PDE3A: variants seen among roughly 807,000 people sequenced by gnomAD.
PDE3A encodes the protein phosphodiesterase 3A.
PDE3A carries 43 observed loss-of-function variants against 98.3 expected under a neutral mutation model. The observed-to-expected ratio is 0.44, with a 90% CI of 0.34 to 0.56. The LOEUF is 0.56. Among genes scored for constraint, PDE3A ranks in the 20% least tolerant of loss-of-function variants. The pLI, the probability that PDE3A is intolerant of heterozygous loss-of-function variation, is 0.01. For synonymous variants in PDE3A, 663 were observed against 567.9 expected (o/e 1.17, Z -2.38); for missense variants, 1,427 against 1,440.7 (o/e 0.99, Z 0.15).
chr12:20,638,512 G>A (rs1011355177), intron 9 of PDE3A, among the ~76,000 whole-genome samples: 8 of 152,080 alleles, frequency 5.3e-5, no homozygotes, highest in Non-Finnish European at 7.4e-5. Context: ...TTGGTGCTAA[G>A]CAATGTCTCT....
chr12:20,425,103 A>T (rs1026717562), intron 1 of PDE3A, among the ~76,000 whole-genome samples: 1 of 152,246 alleles, frequency 6.6e-6, no homozygotes, highest in Admixed American at 6.5e-5. Flanking sequence ...ATTTGCAGGA[A>T]CACACATGGG....
At chr12:20,675,828 T>C (rs934759933) in intron 15 of PDE3A, among the ~76,000 whole-genome samples, 26 of 152,218 alleles carry the variant, frequency 1.7e-4, no homozygotes, top group African/African-American at 4.8e-4. Context: ...CTTTCACTTC[T>C]AGTCTATATC....
At chr12:20,583,182 A>G (rs1412904064) in intron 2 of PDE3A, among the ~76,000 whole-genome samples, 1 of 152,176 alleles carries the variant, frequency 6.6e-6, no homozygotes, top group Non-Finnish European at 1.5e-5. Context: ...TTTGAATATA[A>G]ATAAAAAACT....
chr12:20,376,535 C>T (rs575077480), intron 1 of PDE3A, among the ~76,000 whole-genome samples: 6 of 152,008 alleles, frequency 3.9e-5, no homozygotes, highest in South Asian at 4.1e-4. Context: ...GACTTTGTCA[C>T]GTAAATGAAT....
At chr12:20,450,000 A>G in intron 1 of PDE3A, 2 of 693,664 alleles carry the variant, frequency 2.9e-6, no homozygotes, top group Non-Finnish European at 2.6e-6. Flanking sequence ...AAGTCAATAA[A>G]TTAGCTCCAT....
chr12:20,471,172 T>C (rs73232266), intron 1 of PDE3A, among the ~76,000 whole-genome samples: 2,336 of 151,354 alleles, frequency 0.015, 61 homozygotes, highest in African/African-American at 0.053. Flanking sequence ...ATTCAACAGT[T>C]CTGGAGACCA....
At chr12:20,569,698 A>T (rs897007595) in intron 2 of PDE3A, among the ~76,000 whole-genome samples, 5 of 152,220 alleles carry the variant, frequency 3.3e-5, no homozygotes, top group African/African-American at 1.2e-4. Context: ...TAAACTAAGA[A>T]GATTCAAGAG....
rs1945809281 is a variant in PDE3A, at chr12:20,682,315, C to T, written c.*2044C>T. 6.6e-6 allele frequency: 1 copy of T among 152,126 alleles called. No individual in the cohort carries two copies. The highest frequency in any genetic ancestry group is 1.5e-5 in the Non-Finnish European group (1 of 68,014). The allele number at this position is 152,126 out of a possible 1,614,324, so 9.4% of individuals were successfully genotyped here. On this transcript the variant is annotated 3_prime_UTR_variant, in exon 16 of 16. Transcript: ENST00000359062. ...TCTAAGTAAACCTTGATTGTGATTT[C>T]CAGTTTTTATTTTCTCTGACGTAGT... is the stretch of plus-strand genomic sequence containing the variant.
chr12:20,636,422 TTTC>T (rs775887411), intron 8 of PDE3A, among the ~76,000 whole-genome samples: 1 of 152,192 alleles, frequency 6.6e-6, no homozygotes, highest in Non-Finnish European at 1.5e-5. Flanking sequence ...CCTCATTCTC[TTTC>T]TTCTTTTTTG....
At chr12:20,655,947 C>T (rs1489588088) in intron 15 of PDE3A, among the ~76,000 whole-genome samples, 1 of 152,150 alleles carries the variant, frequency 6.6e-6, no homozygotes, top group Non-Finnish European at 1.5e-5. Context: ...GGCTGGAGTG[C>T]ATCATGTGGC....
intron 2 of PDE3A, among the ~76,000 whole-genome samples, chr12:20,597,323 G>T (rs368039029): frequency 6.6e-6 from 1 of 152,134 alleles, no homozygotes; most frequent in Non-Finnish European, 1.5e-5. Flanking sequence ...TGGATCAGAA[G>T]CTAGAAAGCC....
intron 15 of PDE3A, among the ~76,000 whole-genome samples, chr12:20,667,966 A>G (rs187141652): frequency 3.1e-4 from 47 of 152,242 alleles, no homozygotes; most frequent in African/African-American, 1.1e-3. Flanking sequence ...AGTGCGAGAC[A>G]GTGGGCGCAG....
At position 20,646,471 on chromosome 12, in the gene PDE3A, TC is replaced by T. The variant is rs1663550908; in HGVS notation, c.2252-17del. ...CCAAAGTTCATAAACTGATGACTGT[TC>T]CTGTTCACTGGTTACAGATCATAAC... On this transcript the variant is annotated intron_variant, in intron 10 of 15. Transcript: ENST00000359062. The T allele has an allele frequency of 7.6e-7, 1 of 1,315,048 alleles. No homozygotes were observed. The highest frequency in any genetic ancestry group is 1.1e-6 in the Non-Finnish European group (1 of 907,492). The allele number at this position is 1,315,048 out of a possible 1,614,324, so 81.5% of individuals were successfully genotyped here. A position where few individuals can be genotyped will look rare whatever the true frequency, so the allele number is the denominator to read the frequency against.
chr12:20,374,291 A>T (rs1943531780), intron 1 of PDE3A, among the ~76,000 whole-genome samples: 1 of 152,150 alleles, frequency 6.6e-6, no homozygotes, highest in African/African-American at 2.4e-5. Context: ...TTTAAGTGAC[A>T]TAAATAGTCA....
At chr12:20,509,484 T>A (rs989564977) in intron 1 of PDE3A, among the ~76,000 whole-genome samples, 1 of 152,078 alleles carries the variant, frequency 6.6e-6, no homozygotes, top group Non-Finnish European at 1.5e-5. Context: ...GTGAGATCTA[T>A]TTACCCTAGA....
At chr12:20,616,140 C>T (rs1032078717) in intron 3 of PDE3A, 90 bp from the exon 4 acceptor site, 1 of 1,180,872 alleles carries the variant, frequency 8.5e-7, no homozygotes, top group Non-Finnish European at 1.2e-6. Context: ...CAATTCACTT[C>T]TAATTAAAAG....
At chr12:20,371,236 T>C (rs767912361) in intron 1 of PDE3A, 4 of 310,868 alleles carry the variant, frequency 1.3e-5, no homozygotes, top group Non-Finnish European at 1.9e-5. Flanking sequence ...ATAAAGGGCA[T>C]AAAGGAACAA....
intron 1 of PDE3A, among the ~76,000 whole-genome samples, chr12:20,426,151 A>G (rs1388288162): frequency 6.6e-6 from 1 of 152,144 alleles, no homozygotes; most frequent in Non-Finnish European, 1.5e-5. Flanking sequence ...TGGCAACTAG[A>G]AGAGATTTTG....
In PDE3A at chr12:20,560,281, T is replaced by G. The variant is rs1422595295; in HGVS notation, c.1011+3571T>G. On this transcript the variant is annotated intron_variant, in intron 2 of 15. Transcript: ENST00000359062. The stretch of plus-strand genomic sequence containing the variant: ...AAAAAACAGAATAAAAGTCTGATTT[T>G]TGGAAAATATGCTATAAAGACTAGA... 5.9e-5 allele frequency among the ~76,000 whole-genome samples: 9 copies of G among 152,260 alleles called. No homozygotes were observed. The East Asian group carries it at 1.7e-3, about 29-fold the overall frequency.
Sources: gnomAD v4.1 joint callset for allele counts (sites outside exome capture counted in the v4.1 genomes callset) on GRCh38, gnomAD v4.1.1 for gene constraint, MANE v1.5 for transcripts, NCBI Gene and HGNC (gene_info 2026-07-23, HGNC 2026-07-21) for gene names.